The following LRRC4C variants were observed in gnomAD, a reference collection of about 807,000 sequenced individuals.
The protein encoded by LRRC4C is leucine-rich repeat-containing protein 4C.
LRRC4C carries 5 observed loss-of-function variants against 33.6 expected under a neutral mutation model. The ratio of observed to expected loss-of-function variants is 0.15; its 90% confidence interval spans 0.08 to 0.31. The LOEUF (loss-of-function observed/expected upper bound fraction) is 0.31. LRRC4C is among the 10% of genes least tolerant of loss of function. The probability of loss-of-function intolerance (pLI) is 1.00; values close to 1 mark genes in which losing one functional copy is unlikely to be tolerated. For missense variants in LRRC4C, 560 were observed against 796.7 expected, an observed-to-expected ratio of 0.70 and a Z score of 3.58; for synonymous variants, 329 against 302.0, an observed-to-expected ratio of 1.09 and a Z score of -0.93.
chr11:40,748,414 A>G (rs1309390648), intron 2 of LRRC4C, among the ~76,000 whole-genome samples: 1 of 152,074 alleles, frequency 6.6e-6, no homozygotes, highest in East Asian at 1.9e-4. Flanking sequence ...TCAAGGGAGT[A>G]AAAAACCTTA....
At chr11:40,172,583 T>C (rs1172071961) in intron 5 of LRRC4C, among the ~76,000 whole-genome samples, 1 of 152,078 alleles carries the variant, frequency 6.6e-6, no homozygotes, top group African/African-American at 2.4e-5. Context: ...TTGTTTCTGT[T>C]TCATGGCATT....
chr11:40,845,408 TGG>T, intron 2 of LRRC4C, among the ~76,000 whole-genome samples: 1 of 152,302 alleles, frequency 6.6e-6, no homozygotes, highest in Admixed American at 6.5e-5. Flanking sequence ...CTGATTGCCC[TGG>T]CCAGAACTTC....
At chr11:40,359,063 T>C (rs559966685) in intron 3 of LRRC4C, among the ~76,000 whole-genome samples, 1 of 152,148 alleles carries the variant, frequency 6.6e-6, no homozygotes, top group Non-Finnish European at 1.5e-5. Flanking sequence ...TCTGATAAAT[T>C]GTTTAGGGAA....
At chr11:40,329,394 T>C (rs1317454451) in intron 3 of LRRC4C, among the ~76,000 whole-genome samples, 1 of 152,110 alleles carries the variant, frequency 6.6e-6, no homozygotes, top group Non-Finnish European at 1.5e-5. Flanking sequence ...TGCTGTAAAC[T>C]GGAAACATGC....
At chr11:41,344,811 G>C (rs1255408817) in intron 1 of LRRC4C, among the ~76,000 whole-genome samples, 1 of 152,136 alleles carries the variant, frequency 6.6e-6, no homozygotes, top group Non-Finnish European at 1.5e-5. Flanking sequence ...AATCCAAAAT[G>C]GGTAAGTGGT....
At chr11:41,106,517 G>A (rs982466129) in intron 1 of LRRC4C, among the ~76,000 whole-genome samples, 1 of 151,546 alleles carries the variant, frequency 6.6e-6, no homozygotes, top group African/African-American at 2.4e-5. Context: ...CAAGTAACAG[G>A]TAATATCCAG....
chr11:40,535,939 G>A (rs1956453238), intron 3 of LRRC4C, among the ~76,000 whole-genome samples: 2 of 152,140 alleles, frequency 1.3e-5, no homozygotes. Context: ...ATTTGATTAA[G>A]CAAACTACCA....
chr11:40,455,903 A>T (rs1047675707), intron 3 of LRRC4C, among the ~76,000 whole-genome samples: 1 of 152,126 alleles, frequency 6.6e-6, no homozygotes, highest in Non-Finnish European at 1.5e-5. Flanking sequence ...ATTAATGGCC[A>T]TATTAGTATG....
chr11:41,338,967 C>T (rs563542276), intron 1 of LRRC4C, among the ~76,000 whole-genome samples: 21 of 152,072 alleles, frequency 1.4e-4, no homozygotes, highest in African/African-American at 5.1e-4. Context: ...AAATGAAATA[C>T]GAATAATACA....
rs5791367 is a variant in LRRC4C, at chr11:40,287,256, ATGTGTGTG to A, written c.-176+32364_-176+32371del. 9.0e-5 allele frequency among the ~76,000 whole-genome samples: 13 copies of A among 144,770 alleles called. No individual in the cohort carries two copies. The East Asian group carries it at 1.0e-3, about 12-fold the overall frequency. 95.0% of individuals were successfully genotyped at this position (144,770 alleles called of 152,430 possible). A position where few individuals can be genotyped will look rare whatever the true frequency, so the allele number is the denominator to read the frequency against. ...TAAGGAAGCAACTTAATGTCACTGTATGTGTGTGTGTGTGTGTGTGTGTGTGTGTGTGT... is the reference window on the plus strand; with the variant it reads ...TAAGGAAGCAACTTAATGTCACTGTATGTGTGTGTGTGTGTGTGTGTGTGT... On this transcript the variant is annotated intron_variant, in intron 4 of 6. Coordinates refer to ENST00000528697, the MANE Select transcript of LRRC4C (RefSeq NM_001258419.2).
chr11:40,704,716 AT>A (rs1946060619), intron 2 of LRRC4C, among the ~76,000 whole-genome samples: 4 of 152,184 alleles, frequency 2.6e-5, no homozygotes, highest in Admixed American at 2.0e-4. Flanking sequence ...TTAAAGTAAC[AT>A]ACGTCAAGTG....
chr11:41,291,939 A>G (rs1190533029), intron 1 of LRRC4C, among the ~76,000 whole-genome samples: 4 of 152,328 alleles, frequency 2.6e-5, no homozygotes, highest in Middle Eastern at 3.4e-3. Context: ...ATAGGAGGGT[A>G]TGGAGCAAAT....
At chr11:40,656,924 T>A (rs2136186699) in intron 2 of LRRC4C, among the ~76,000 whole-genome samples, 1 of 152,172 alleles carries the variant, frequency 6.6e-6, no homozygotes, top group East Asian at 1.9e-4. Flanking sequence ...TGATGAAAAA[T>A]AAACATTTTA....
At chr11:41,010,876 C>G (rs565755135) in intron 1 of LRRC4C, among the ~76,000 whole-genome samples, 3 of 152,038 alleles carry the variant, frequency 2.0e-5, no homozygotes, top group Non-Finnish European at 1.5e-5. Context: ...CATAAACTTG[C>G]CAAATGAGTC....
intron 1 of LRRC4C, among the ~76,000 whole-genome samples, chr11:41,092,970 T>G (rs1018338985): frequency 2.0e-5 from 3 of 152,370 alleles, no homozygotes; most frequent in African/African-American, 7.2e-5. Context: ...ACATTACATG[T>G]ATTAATATAT....
intron 2 of LRRC4C, among the ~76,000 whole-genome samples, chr11:40,832,145 C>G (rs1217420637): frequency 6.6e-6 from 1 of 152,056 alleles, no homozygotes; most frequent in Non-Finnish European, 1.5e-5. Context: ...GGCTACAAAC[C>G]TGAGCAGCAG....
intron 1 of LRRC4C, among the ~76,000 whole-genome samples, chr11:41,039,222 G>T (rs1857273678): frequency 6.6e-6 from 1 of 152,126 alleles, no homozygotes; most frequent in Non-Finnish European, 1.5e-5. Flanking sequence ...TAACGTGATA[G>T]AAATTCAGCA....
At chr11:40,696,534 A>G (rs1945541941) in intron 2 of LRRC4C, among the ~76,000 whole-genome samples, 1 of 148,794 alleles carries the variant, frequency 6.7e-6, no homozygotes, top group Admixed American at 6.8e-5. Flanking sequence ...GAGTTGTGGT[A>G]GTGGTATTTT....
chr11:40,271,450 CTA>C (rs1942691830), intron 4 of LRRC4C, among the ~76,000 whole-genome samples: 1 of 152,170 alleles, frequency 6.6e-6, no homozygotes, highest in African/African-American at 2.4e-5. Flanking sequence ...CTTTAAAACT[CTA>C]TGTAGAAGGG....
Sources: gnomAD v4.1 joint callset for allele counts (sites outside exome capture counted in the v4.1 genomes callset) on GRCh38, gnomAD v4.1.1 for gene constraint, MANE v1.5 for transcripts, NCBI Gene and HGNC (gene_info 2026-07-23, HGNC 2026-07-21) for gene names.